The following OTOG variants were observed in gnomAD, a reference collection of about 807,000 sequenced individuals.
The protein encoded by OTOG is otogelin.
Under a neutral mutation model 313.8 loss-of-function variants are expected in OTOG, and 296 were observed. That is an observed-to-expected ratio of 0.94 (90% CI 0.86 to 1.04). OTOG has a LOEUF of 1.04. OTOG is among the 50% of genes least tolerant of loss of function. The pLI, the probability that OTOG is intolerant of heterozygous loss-of-function variation, is 0.00. For synonymous variants in OTOG, 1,533 were observed against 1,554.9 expected, an observed-to-expected ratio of 0.99 and a Z score of 0.33; for missense variants, 3,948 against 3,840.1, an observed-to-expected ratio of 1.03 and a Z score of -0.74.
chr11:17,641,491 T>C (rs191959497), intron 51 of OTOG, among the ~76,000 whole-genome samples: 31 of 152,244 alleles, frequency 2.0e-4, no homozygotes, highest in Admixed American at 2.0e-3. Context: ...ATAAAGAAGG[T>C]TAGAATTATT....
chr11:17,640,879 T>A (rs907944468), intron 50 of OTOG, 34 bp from the exon 51 acceptor site: 19 of 1,549,280 alleles, frequency 1.2e-5, no homozygotes, highest in Non-Finnish European at 1.7e-5. Flanking sequence ...GCCTGGGCTC[T>A]GGATGACTGT....
chr11:17,596,215 C>A, intron 29 of OTOG, 61 bp downstream of exon 29: 1 of 1,213,004 alleles, frequency 8.2e-7, no homozygotes, highest in South Asian at 1.3e-5. Flanking sequence ...GGGATCCCTT[C>A]AGCTCTCAGA....
chr11:17,558,617 C>T lies in OTOG; in HGVS notation c.1076C>T (p.Thr359Ile). 6.5e-7 allele frequency: 1 copy of T among 1,550,340 alleles called. No homozygotes were observed. The highest frequency in any genetic ancestry group is 8.7e-7 in the Non-Finnish European group (1 of 1,147,008). Residue 359 changes from threonine to isoleucine, a missense_variant, in exon 10 of 56, where the codon ACA (threonine) becomes ATA (isoleucine). Coordinates refer to ENST00000399397, the MANE Select transcript of OTOG (RefSeq NM_001292063.2). Reference sequence around the variant, plus strand: ...GCCTACGTCAGCCCTCTGCCCTTCACAGCCAGTTGTACCAGTGATCTCTGC... The same window carrying T: ...GCCTACGTCAGCCCTCTGCCCTTCATAGCCAGTTGTACCAGTGATCTCTGC... ...CHAYVSPLPFTASCTSDLCQS... is the reference protein window; with the variant it reads ...CHAYVSPLPFIASCTSDLCQS...
chr11:17,623,650 T>G (rs1853917048), intron 39 of OTOG, among the ~76,000 whole-genome samples: 1 of 152,218 alleles, frequency 6.6e-6, no homozygotes, highest in Non-Finnish European at 1.5e-5. Context: ...TATATTCCTC[T>G]GGGTATATAC....
chr11:17,629,046 G>A, intron 39 of OTOG, 87 bp from the exon 40 acceptor site: 2 of 1,285,604 alleles, frequency 1.6e-6, no homozygotes, highest in Non-Finnish European at 2.2e-6. Flanking sequence ...ATGGATGGAT[G>A]GATGAATGGA....
intron 40 of OTOG, 150 bp downstream of exon 40, chr11:17,629,466 T>C: frequency 2.2e-6 from 2 of 915,860 alleles, no homozygotes; most frequent in Admixed American, 3.0e-5. Flanking sequence ...AGGCCTAACG[T>C]CTTGTGTCCT....
At position 17,558,572 on chromosome 11, in the gene OTOG, C is replaced by A. The variant is rs1269292731; in HGVS notation, c.1031C>A (p.Pro344His). 2 of 1,550,404 alleles carry A rather than the reference C, an allele frequency of 1.3e-6. No homozygotes were observed. Among genetic ancestry groups the A allele is most frequent in the African/African-American group, 1.4e-5 (1 of 73,050 alleles). ...GAGCAGTGTGAGGCTCTACTGCGGC[C>A]CCCCTTTGACGCCTGCCACGCCTAC... ...VYEQCEALLRPPFDACHAYVS... is the reference protein window; with the variant it reads ...VYEQCEALLRHPFDACHAYVS... The change falls in exon 10 of 56, where the codon CCC (proline) becomes CAC (histidine). Residue 344 changes from proline (P) to histidine (H), a missense_variant. Coordinates refer to ENST00000399397, the MANE Select transcript of OTOG (RefSeq NM_001292063.2).
At chr11:17,562,237 C>CAAA (rs759962274) in intron 15 of OTOG, among the ~76,000 whole-genome samples, 47 of 62,528 alleles carry the variant, frequency 7.5e-4, no homozygotes, top group African/African-American at 1.4e-3. Context: ...GACTCCGTCT[C>CAAA]AAAAAAAAAA....
rs1852530992 is a variant in OTOG at position 17,576,561 on chromosome 11, A to G, written c.2492A>G (p.Gln831Arg). Residue 831 changes from glutamine (Q) to arginine (R), a missense_variant, in exon 21 of 56, where the codon CAG becomes CGG. Coordinates refer to ENST00000399397, the MANE Select transcript of OTOG (RefSeq NM_001292063.2). ...TQADLCVPRNQCSCHFQGVDY... is the reference protein window; with the variant it reads ...TQADLCVPRNRCSCHFQGVDY... ...TTGCTCCCATTTTTTTATAGGAACC[A>G]GTGCTCCTGCCACTTCCAGGGAGTG... The G allele has an allele frequency of 6.5e-7, 1 of 1,550,278 alleles. No individual in the cohort carries two copies. The highest frequency in any genetic ancestry group is 8.7e-7 in the Non-Finnish European group (1 of 1,146,726).
At chr11:17,600,696 G>A (rs2134072512) in intron 31 of OTOG, among the ~76,000 whole-genome samples, 2 of 152,322 alleles carry the variant, frequency 1.3e-5, no homozygotes, top group South Asian at 4.1e-4. Flanking sequence ...AAAGGAATGA[G>A]CCTGCAATGG....
chr11:17,551,879 A>C, intron 3 of OTOG, 121 bp from the exon 4 acceptor site: 1 of 824,394 alleles, frequency 1.2e-6, no homozygotes, highest in Non-Finnish European at 2.0e-6. Flanking sequence ...TGGGGCACTG[A>C]GGGGCAGGGG....
At chr11:17,639,598 A>T in intron 49 of OTOG, 135 bp downstream of exon 49, 2 of 871,012 alleles carry the variant, frequency 2.3e-6, no homozygotes, top group South Asian at 3.3e-5. Flanking sequence ...TCTTTTCCCA[A>T]GCTCTGCCAC....
chr11:17,570,102 G>A, intron 16 of OTOG, 111 bp from the exon 17 acceptor site: 4 of 977,270 alleles, frequency 4.1e-6, no homozygotes, highest in Non-Finnish European at 6.1e-6. Flanking sequence ...GCAGGCAGGG[G>A]GCGAAGACTG....
intron 6 of OTOG, among the ~76,000 whole-genome samples, chr11:17,553,854 A>G (rs1851998827): frequency 6.6e-6 from 1 of 152,248 alleles, no homozygotes; most frequent in Non-Finnish European, 1.5e-5. Flanking sequence ...CTTATAGTCT[A>G]ATGAAGAAGG....
intron 39 of OTOG, among the ~76,000 whole-genome samples, chr11:17,622,788 A>G (rs781640585): frequency 6.6e-6 from 1 of 152,250 alleles, no homozygotes; most frequent in African/African-American, 2.4e-5. Context: ...AATCTTAGCT[A>G]TCGTGAACAG....
rs867459178 is a variant in OTOG, at chr11:17,593,213, C to T, written c.3027C>T (p.Phe1009=). 3.2e-5 allele frequency: 50 copies of T among 1,550,328 alleles called. No individual in the cohort carries two copies. In the African/African-American group the frequency reaches 6.7e-4, roughly 21 times the overall value. The change falls in exon 26 of 56, where the codon TTC becomes TTT. Residue 1009 remains phenylalanine, a synonymous_variant. Transcript: ENST00000399397. ...HLVKSTSDVS[F]SVIVENVNCY... Reference sequence around the variant, plus strand: ...CTCAGAGCACATCAGATGTCAGCTTCTCTGTGATTGTAGAGAATGTGAACT... The same window carrying T: ...CTCAGAGCACATCAGATGTCAGCTTTTCTGTGATTGTAGAGAATGTGAACT...
intron 39 of OTOG, among the ~76,000 whole-genome samples, chr11:17,622,715 T>C (rs1853893949): frequency 6.6e-6 from 1 of 152,244 alleles, no homozygotes; most frequent in Non-Finnish European, 1.5e-5. Flanking sequence ...AGTACTCCAT[T>C]GTGTATAAGT....
chr11:17,605,766 T>A, intron 32 of OTOG, 91 bp from the exon 33 acceptor site: 1 of 1,378,966 alleles, frequency 7.3e-7, no homozygotes, highest in Non-Finnish European at 9.7e-7. Flanking sequence ...CCATCCAGAG[T>A]CGCTGAGAGA....
intron 27 of OTOG, 141 bp from the exon 28 acceptor site, chr11:17,593,906 A>G (rs1853021885): frequency 7.2e-7 from 1 of 1,396,622 alleles, no homozygotes; most frequent in Non-Finnish European, 9.7e-7. Flanking sequence ...CTCCTCTGAC[A>G]TTGCTCCATC....
Sources: allele counts gnomAD v4.1 joint callset (sites outside exome capture counted in the v4.1 genomes callset), GRCh38; gene constraint gnomAD v4.1.1; transcripts MANE v1.5; gene names NCBI Gene and HGNC (gene_info 2026-07-23, HGNC 2026-07-21).